The following CACNA1C variants were observed in gnomAD, a reference collection of about 807,000 sequenced individuals.
CACNA1C encodes the protein voltage-dependent L-type calcium channel subunit alpha-1C.
In CACNA1C, 30 loss-of-function variants were observed where a neutral mutation model predicts 229.0. The ratio of observed to expected loss-of-function variants is 0.13; its 90% CI spans 0.10 to 0.18. The LOEUF is 0.18. Among genes scored for constraint, CACNA1C ranks in the 10% least tolerant of loss-of-function variants. The probability of loss-of-function intolerance (pLI) is 1.00; values close to 1 mark genes in which losing one functional copy is unlikely to be tolerated. For missense variants in CACNA1C, 1,658 were observed against 2,845.0 expected, an observed-to-expected ratio of 0.58 and a Z score of 9.49; for synonymous variants, 1,114 against 1,132.5, an observed-to-expected ratio of 0.98 and a Z score of 0.33.
chr12:2,050,758 C>A (rs1329860691), upstream of CACNA1C, among the ~76,000 whole-genome samples: 1 of 152,166 alleles, frequency 6.6e-6, no homozygotes, highest in Non-Finnish European at 1.5e-5. Context: ...ATACTTCTCC[C>A]AGGGGCACTT....
In CACNA1C at chr12:2,181,805, T is replaced by A. The variant is rs2096848370; in HGVS notation, c.477+61375T>A. Among the ~76,000 whole-genome samples, 1 of 152,004 alleles carries A rather than the reference T, an allele frequency of 6.6e-6. No homozygotes were observed. The highest frequency in any genetic ancestry group is 6.5e-5 in the Admixed American group (1 of 15,268). ...CTTTTATAGATGAGAACACTGGAGC[T>A]TAGCGAGGGTAAGTAATGGACTGCA... On this transcript the variant is annotated intron_variant, in intron 3 of 46. Coordinates refer to ENST00000399655, the MANE Select transcript of CACNA1C (RefSeq NM_000719.7). This position sits in a 1 kb window ranked among gnomAD's most constrained non-coding sequence, Gnocchi z 4.0.
rs367544338 is a variant in CACNA1C, at chr12:2,200,141, C to A, written c.477+79711C>A. 5.8e-4 allele frequency among the ~76,000 whole-genome samples: 89 copies of A among 152,256 alleles called. 1 individual carries two copies. The South Asian group carries it at 0.018, about 31-fold the overall frequency. On this transcript the variant is annotated intron_variant, in intron 3 of 46. Coordinates refer to ENST00000399655, the MANE Select transcript of CACNA1C (RefSeq NM_000719.7). Reference sequence around the variant, plus strand: ...TTATAAGGATGAATGAATGGATGGACCCTCGATTCTGTTATTATTATGTTT... The same window carrying A: ...TTATAAGGATGAATGAATGGATGGAACCTCGATTCTGTTATTATTATGTTT...
chr12:2,226,107 G>A (rs116558349), intron 3 of CACNA1C, among the ~76,000 whole-genome samples: 79 of 142,686 alleles, frequency 5.5e-4, no homozygotes, highest in African/African-American at 2.0e-3. Flanking sequence ...AAGGTATGCC[G>A]CTTGGATATG....
intron 9 of CACNA1C, among the ~76,000 whole-genome samples, chr12:2,535,103 G>T (rs1018133325): frequency 6.6e-6 from 1 of 152,206 alleles, no homozygotes; most frequent in African/African-American, 2.4e-5. Flanking sequence ...AATTAAAGCA[G>T]CTAGAGCCGG....
At position 2,438,567 on chromosome 12, in the gene CACNA1C, C is replaced by T. The variant is rs186951962; in HGVS notation, c.478-10409C>T. 3.4e-3 allele frequency among the ~76,000 whole-genome samples: 511 copies of T among 151,948 alleles called. 10 individuals are homozygous for T. Among genetic ancestry groups the T allele is most frequent in the Non-Finnish European group, 1.0e-3 (68 of 67,936 alleles). On this transcript the variant is annotated intron_variant, in intron 3 of 46. Coordinates refer to ENST00000399655, the MANE Select transcript of CACNA1C (RefSeq NM_000719.7). ...GGAAGGGCATGAAGAAGAAAGCTGC[C>T]GGAAACAGCCTGCCTGGTTTGGGTG...
At chr12:2,041,804 G>A (rs1166234796) in intron 1 of CACNA1C, among the ~76,000 whole-genome samples, 1 of 152,228 alleles carries the variant, frequency 6.6e-6, no homozygotes, top group African/African-American at 2.4e-5. Flanking sequence ...CCTGTGAAGA[G>A]CAGCAGCCTG....
intron 3 of CACNA1C, among the ~76,000 whole-genome samples, chr12:2,361,329 G>T (rs73607710): frequency 6.6e-6 from 1 of 152,090 alleles, no homozygotes; most frequent in Non-Finnish European, 1.5e-5. Flanking sequence ...CTGATTTGGG[G>T]CACATTGCTA....
At chr12:2,129,773 A>G (rs562084050) in intron 3 of CACNA1C, among the ~76,000 whole-genome samples, 80 of 152,242 alleles carry the variant, frequency 5.3e-4, no homozygotes, top group Middle Eastern at 3.4e-3. Context: ...CCTGGGGAAG[A>G]TTTGGGATGT....
intron 18 of CACNA1C, among the ~76,000 whole-genome samples, chr12:2,587,762 T>A (rs1422332501): frequency 6.6e-6 from 1 of 152,082 alleles, no homozygotes; most frequent in Non-Finnish European, 1.5e-5. Flanking sequence ...TTCTTGAGAT[T>A]TTTGAGTGTA....
intron 3 of CACNA1C, among the ~76,000 whole-genome samples, chr12:2,341,345 T>G (rs1233105101): frequency 6.6e-6 from 1 of 152,236 alleles, no homozygotes; most frequent in Non-Finnish European, 1.5e-5. Flanking sequence ...TTTCCCTTTT[T>G]CATCTGTTCC....
intron 2 of CACNA1C, among the ~76,000 whole-genome samples, chr12:2,119,739 G>T (rs920898598): frequency 6.6e-6 from 1 of 152,218 alleles, no homozygotes; most frequent in South Asian, 2.1e-4. Context: ...CACTCAGGAC[G>T]GACCCCCTGC....
rs2099705854 is a variant in CACNA1C at position 2,488,567 on chromosome 12, GT to G, written c.916+2307del. On this transcript the variant is annotated intron_variant, in intron 6 of 46. Coordinates refer to ENST00000399655, the MANE Select transcript of CACNA1C (RefSeq NM_000719.7). The surrounding 1 kb of genome is among the most constrained non-coding windows in gnomAD (Gnocchi z 4.0). ...CAGGACCAGGAAAAGTGCCTGAGAAGTTGCCTCCTACCAAGAGACTCATCAG... is the reference window on the plus strand; with the variant it reads ...CAGGACCAGGAAAAGTGCCTGAGAAGTGCCTCCTACCAAGAGACTCATCAG... Among the ~76,000 whole-genome samples, 1 of 152,208 alleles carries G rather than the reference GT, an allele frequency of 6.6e-6. No homozygotes were observed. Among genetic ancestry groups the G allele is most frequent in the Admixed American group, 6.5e-5 (1 of 15,284 alleles).
chr12:2,166,494 T>G (rs1458139986), intron 3 of CACNA1C, among the ~76,000 whole-genome samples: 3 of 152,216 alleles, frequency 2.0e-5, no homozygotes, highest in African/African-American at 7.2e-5. Context: ...CTAAGGAGTG[T>G]CAGCAATGAG....
At chr12:2,335,503 C>G (rs1034966156) in intron 3 of CACNA1C, among the ~76,000 whole-genome samples, 14 of 152,102 alleles carry the variant, frequency 9.2e-5, no homozygotes, top group Non-Finnish European at 1.5e-5. Flanking sequence ...AATGGCAGCA[C>G]CTTTCCACGG....
At chr12:2,004,254 T>C in intron 1 of CACNA1C, 1 of 1,612,014 alleles carries the variant, frequency 6.2e-7, no homozygotes, top group Non-Finnish European at 8.5e-7. Flanking sequence ...AACCCTGGGC[T>C]GCACTGCTCC....
intron 28 of CACNA1C, among the ~76,000 whole-genome samples, chr12:2,611,640 T>A (rs1033276420): frequency 1.3e-5 from 2 of 152,088 alleles, no homozygotes; most frequent in Non-Finnish European, 2.9e-5. Flanking sequence ...CCAAGCTCTC[T>A]TGAGTGCCAG....
At chr12:2,149,783 G>A (rs2238039) in intron 3 of CACNA1C, among the ~76,000 whole-genome samples, 3,949 of 152,162 alleles carry the variant, frequency 0.026, 87 homozygotes, top group Non-Finnish European at 0.038. Context: ...TAGGACCCAG[G>A]GGGGAGCACA....
chr12:2,111,908 A>G (rs2081926468), intron 1 of CACNA1C, among the ~76,000 whole-genome samples: 2 of 152,252 alleles, frequency 1.3e-5, no homozygotes, highest in Middle Eastern at 6.8e-3. Context: ...GGTGTAGTGG[A>G]TGCTGTCACG....
chr12:2,434,595 G>A (rs1202735752), intron 3 of CACNA1C, among the ~76,000 whole-genome samples: 1 of 152,186 alleles, frequency 6.6e-6, no homozygotes, highest in East Asian at 1.9e-4. Context: ...GGGGAGTGGG[G>A]ATTATCCAGC....
Sources: allele counts gnomAD v4.1 joint callset (sites outside exome capture counted in the v4.1 genomes callset), GRCh38; gene constraint gnomAD v4.1.1; non-coding constraint Gnocchi (gnomAD v3.1); transcripts MANE v1.5; gene names NCBI Gene and HGNC (gene_info 2026-07-23, HGNC 2026-07-21).